SFMBT1: variants seen among roughly 807,000 people sequenced by gnomAD.
The protein encoded by SFMBT1 is scm-like with four MBT domains protein 1.
In SFMBT1, 32 loss-of-function variants were observed where a neutral mutation model predicts 108.7. The ratio of observed to expected loss-of-function variants is 0.29; its 90% CI spans 0.22 to 0.40. The LOEUF (loss-of-function observed/expected upper bound fraction) is 0.40. Ranked by LOEUF, SFMBT1 falls within the 10% of genes least tolerant of loss-of-function variation. The probability of loss-of-function intolerance (pLI) is 1.00; values close to 1 mark genes in which losing one functional copy is unlikely to be tolerated. For synonymous variants in SFMBT1, 348 were observed against 369.5 expected, an observed-to-expected ratio of 0.94 and a Z score of 0.67; for missense variants, 816 against 1,059.6, an observed-to-expected ratio of 0.77 and a Z score of 3.19.
intron 2 of SFMBT1, among the ~76,000 whole-genome samples, chr3:52,956,188 G>A (rs962014611): frequency 1.3e-5 from 2 of 152,180 alleles, no homozygotes; most frequent in Non-Finnish European, 2.9e-5. Context: ...TAGGCTGGGC[G>A]TGGTAGCTCA....
chr3:52,928,264 G>A lies in SFMBT1; in HGVS notation c.975C>T (p.Cys325=), dbSNP rs1171694664. ...PENHARRSFV[C]HADSPGIFPV... The stretch of plus-strand genomic sequence containing the variant: ...GGAAGATGCCAGGACTGTCGGCGTG[G>A]CACACAAAGGATCGCCGTGCGTGGT... The change falls in exon 9 of 21, where the codon TGC becomes TGT. Residue 325 remains cysteine (C), a synonymous_variant. Coordinates refer to ENST00000394752, the MANE Select transcript of SFMBT1 (RefSeq NM_016329.4). 1.2e-6 allele frequency: 2 copies of A among 1,614,056 alleles called. No individual in the cohort carries two copies. The highest frequency in any genetic ancestry group is 1.1e-5 in the South Asian group (1 of 91,066).
chr3:53,042,399 G>A (rs11718388), intron 1 of SFMBT1, among the ~76,000 whole-genome samples: 13,163 of 152,310 alleles, frequency 0.086, 596 homozygotes, highest in East Asian at 0.12. Context: ...GAGTGCAGCA[G>A]TGCAATCATA....
chr3:52,974,300 T>C (rs1231538409), intron 1 of SFMBT1, among the ~76,000 whole-genome samples: 2 of 152,206 alleles, frequency 1.3e-5, no homozygotes, highest in South Asian at 2.1e-4. Flanking sequence ...ATATACTAAT[T>C]GCAACAATTC....
chr3:52,951,655 C>T (rs1277610343), intron 3 of SFMBT1, among the ~76,000 whole-genome samples: 1 of 152,158 alleles, frequency 6.6e-6, no homozygotes, highest in Non-Finnish European at 1.5e-5. Flanking sequence ...CTCAGGTGAT[C>T]TGGGCCGAAT....
intron 4 of SFMBT1, among the ~76,000 whole-genome samples, chr3:52,936,861 C>T (rs62253602): frequency 0.27 from 40,454 of 150,650 alleles, 5,992 homozygotes; most frequent in Middle Eastern, 0.4. Context: ...CTTTCTATAA[C>T]GCTGAAAATC....
intron 8 of SFMBT1, among the ~76,000 whole-genome samples, chr3:52,929,236 CTTTA>C (rs747651621): frequency 1.3e-5 from 2 of 151,834 alleles, no homozygotes; most frequent in African/African-American, 2.4e-5. Flanking sequence ...AAAGAACGAA[CTTTA>C]TTTATTTATT....
intron 2 of SFMBT1, among the ~76,000 whole-genome samples, chr3:52,957,473 T>C (rs1168959258): frequency 6.6e-6 from 1 of 151,948 alleles, no homozygotes; most frequent in African/African-American, 2.4e-5. Flanking sequence ...AGAAACAAAT[T>C]TCACAGGAAA....
chr3:52,926,301 G>A (rs780589067), intron 9 of SFMBT1, among the ~76,000 whole-genome samples, 188 bp from the exon 10 acceptor site: 12 of 152,126 alleles, frequency 7.9e-5, no homozygotes, highest in Non-Finnish European at 1.8e-4. Context: ...GAGCAACTCT[G>A]GTCAAACTGT....
chr3:52,929,421 T>C (rs940062607), intron 8 of SFMBT1, among the ~76,000 whole-genome samples: 2 of 152,204 alleles, frequency 1.3e-5, no homozygotes, highest in Non-Finnish European at 2.9e-5. Flanking sequence ...GTATTTTTAG[T>C]AGAGATGGGG....
chr3:53,041,484 G>C (rs1158727427), intron 1 of SFMBT1, among the ~76,000 whole-genome samples: 1 of 152,030 alleles, frequency 6.6e-6, no homozygotes. Context: ...GATCACCTGA[G>C]ATCAGGAGTT....
intron 1 of SFMBT1, among the ~76,000 whole-genome samples, chr3:52,978,941 A>T (rs927866585): frequency 2.1e-4 from 32 of 152,178 alleles, no homozygotes; most frequent in African/African-American, 7.2e-4. Flanking sequence ...GTGGTTGCCA[A>T]GGGCTGGTAG....
intron 1 of SFMBT1, among the ~76,000 whole-genome samples, chr3:52,987,566 C>T (rs1424878294): frequency 2.0e-5 from 3 of 152,204 alleles, no homozygotes; most frequent in African/African-American, 4.8e-5. Context: ...CATTTGAACC[C>T]TCATCTGATC....
At chr3:53,026,204 A>G (rs1232775104) in intron 1 of SFMBT1, among the ~76,000 whole-genome samples, 1 of 152,252 alleles carries the variant, frequency 6.6e-6, no homozygotes, top group Non-Finnish European at 1.5e-5. Context: ...GCTTACAAGT[A>G]TCAACAGTAA....
intron 5 of SFMBT1, among the ~76,000 whole-genome samples, chr3:52,933,462 C>T (rs770972247): frequency 3.3e-5 from 5 of 152,092 alleles, no homozygotes. Flanking sequence ...AATACACAAC[C>T]TTACATTTTT....
At position 52,906,197 on chromosome 3, in the gene SFMBT1, G is replaced by T. The variant is rs1702061791; in HGVS notation, c.2376C>A (p.Asn792Lys). 1 of 1,613,970 alleles carries T rather than the reference G, an allele frequency of 6.2e-7. No homozygotes were observed. ...EVAERLHLDS[N>K]PLKWSVADVV... ...CGTCTGCCACACTCCACTTCAAGGG[G>T]TTACTGTCCAGGTGAAGCCTTTCAG... The change falls in exon 20 of 21, where the codon AAC (asparagine) becomes AAA (lysine). Residue 792 changes from asparagine to lysine, a missense_variant. By Grantham distance (94) the Asn-to-Lys change is moderately conservative. Transcript: ENST00000394752.
chr3:53,013,615 C>CTTTTTTTTTTTTT (rs397989629), intron 1 of SFMBT1, among the ~76,000 whole-genome samples: 1 of 58,082 alleles, frequency 1.7e-5, no homozygotes, highest in African/African-American at 8.4e-5. Context: ...TATAAAGAAT[C>CTTTTTTTTTTTTT]TTTTTTTTTT....
chr3:53,029,439 CTCAGTT>C (rs552006688), intron 1 of SFMBT1, among the ~76,000 whole-genome samples: 22 of 152,266 alleles, frequency 1.4e-4, no homozygotes, highest in Non-Finnish European at 2.6e-4. Context: ...AGATTCCAAA[CTCAGTT>C]TCTTTAGAAA....
intron 1 of SFMBT1, among the ~76,000 whole-genome samples, chr3:53,044,078 T>G (rs1307604973): frequency 6.6e-6 from 1 of 152,240 alleles, no homozygotes; most frequent in Non-Finnish European, 1.5e-5. Flanking sequence ...GATCTTTCGG[T>G]AGGTTATACA....
chr3:52,911,989 G>A (rs182957216), intron 16 of SFMBT1, among the ~76,000 whole-genome samples: 5 of 151,870 alleles, frequency 3.3e-5, no homozygotes, highest in African/African-American at 9.7e-5. Context: ...CGTGAGCCAC[G>A]GTGCCCGGTC....
Sources: allele counts gnomAD v4.1 joint callset (sites outside exome capture counted in the v4.1 genomes callset), GRCh38; gene constraint gnomAD v4.1.1; transcripts MANE v1.5; gene names NCBI Gene and HGNC (gene_info 2026-07-23, HGNC 2026-07-21).